The following ZNF254 variants were observed in gnomAD, a reference collection of about 807,000 sequenced individuals.
The protein encoded by ZNF254 is zinc finger protein 254.
A neutral mutation model predicts 12.4 loss-of-function variants in ZNF254; 10 were observed. The observed-to-expected ratio is 0.80, with a 90% confidence interval of 0.50 to 1.36. The LOEUF is 1.36. Among genes scored for constraint, ZNF254 ranks in the 40% most tolerant of loss-of-function variants. The pLI is 0.00. For synonymous variants in ZNF254, 305 were observed against 253.4 expected (o/e 1.20, Z -1.93); for missense variants, 996 against 763.9 (o/e 1.30, Z -3.58).
chr19:24,095,739 CT>C (rs1281874917), intron 1 of ZNF254, among the ~76,000 whole-genome samples: 2 of 151,842 alleles, frequency 1.3e-5, no homozygotes, highest in Non-Finnish European at 2.9e-5. Context: ...TTTGTTATTT[CT>C]AATTGTGTTT....
rs1759571371 is a variant in ZNF254 at position 24,127,858 on chromosome 19, CAT to C, written c.1860_1861del (p.His620GlnfsTer20). 1.2e-6 allele frequency: 2 copies of C among 1,613,356 alleles called. No homozygotes were observed. The highest frequency in any genetic ancestry group is 1.7e-6 in the Non-Finnish European group (2 of 1,179,716). ...AFFWSSTLTK[H>X]KRIHTGEQPY... ...TTTCTGGTCCTCAACCCTAACTAAACATAAGAGAATTCATACTGGAGAGCAAC... is the reference window on the plus strand; with the variant it reads ...TTTCTGGTCCTCAACCCTAACTAAACAAGAGAATTCATACTGGAGAGCAAC... On this transcript the variant is annotated frameshift_variant, in exon 4 of 4. Coordinates refer to ENST00000357002, the MANE Select transcript of ZNF254 (RefSeq NM_203282.4). LOFTEE classifies it low-confidence loss of function (END_TRUNC).
At chr19:24,042,871 G>A (rs1346001357) in intron 1 of ZNF254, among the ~76,000 whole-genome samples, 1 of 152,160 alleles carries the variant, frequency 6.6e-6, no homozygotes, top group Non-Finnish European at 1.5e-5. Flanking sequence ...TCTGGCTAAG[G>A]TGTTTTCTGC....
intron 3 of ZNF254, among the ~76,000 whole-genome samples, chr19:24,124,773 CT>C (rs1006240347): frequency 1.1e-3 from 150 of 140,706 alleles, no homozygotes; most frequent in Non-Finnish European, 8.5e-4. Flanking sequence ...TTTTCTTTTT[CT>C]TTTTTTTTTT....
chr19:24,126,559 C>G lies in ZNF254; in HGVS notation c.559C>G (p.Arg187Gly), dbSNP rs202000799. 1.9e-6 allele frequency: 3 copies of G among 1,603,554 alleles called. No individual in the cohort carries two copies. In the Admixed American group the frequency reaches 5.2e-5, roughly 28 times the overall value. The change falls in exon 4 of 4, where the codon CGT (arginine) becomes GGT (glycine). Residue 187 changes from arginine to glycine, a missense_variant. Transcript: ENST00000357002. ...TEKKSFKCKK[R>G]VKLFCMLSHK... is the part of the protein sequence containing the mutation. The stretch of plus-strand genomic sequence containing the variant: ...AAAGAAATCTTTCAAATGTAAAAAA[C>G]GTGTCAAATTATTTTGCATGCTTTC...
At chr19:24,094,202 T>A (rs947985539) in intron 1 of ZNF254, among the ~76,000 whole-genome samples, 2 of 152,328 alleles carry the variant, frequency 1.3e-5, no homozygotes, top group East Asian at 3.9e-4. Context: ...TGGAGAATTA[T>A]GTTGTCTGCA....
intron 1 of ZNF254, among the ~76,000 whole-genome samples, chr19:24,087,783 A>G (rs556290671): frequency 6.6e-6 from 1 of 152,124 alleles, no homozygotes; most frequent in Non-Finnish European, 1.5e-5. Flanking sequence ...AAATTGTACC[A>G]CACCCAGCTG....
rs997679136 is a variant in ZNF254, at chr19:24,129,166, A to G, written c.*1186A>G. On this transcript the variant is annotated 3_prime_UTR_variant, in exon 4 of 4. Transcript: ENST00000357002. ...AGTGATGCATGAGGTAGGTGTTCAG[A>G]ATAATATTCCTCTGCATTATTATGA... 6.6e-6 allele frequency: 1 copy of G among 152,052 alleles called. No homozygotes were observed. The highest frequency in any genetic ancestry group is 2.4e-5 in the African/African-American group (1 of 41,442). The allele number at this position is 152,052 out of a possible 1,614,324, so 9.4% of individuals were successfully genotyped here.
chr19:24,128,455 A>G lies in ZNF254; in HGVS notation c.*475A>G, dbSNP rs1452503442. The stretch of plus-strand genomic sequence containing the variant: ...GAGCATTTATTTTGAAAAAAACATT[A>G]CACATATGAAGAGGATTGTAATATC... On this transcript the variant is annotated 3_prime_UTR_variant, in exon 4 of 4. Coordinates refer to ENST00000357002, the MANE Select transcript of ZNF254 (RefSeq NM_203282.4). The G allele has an allele frequency of 6.5e-6, 1 of 152,864 alleles. No individual in the cohort carries two copies. The highest frequency in any genetic ancestry group is 1.5e-5 in the Non-Finnish European group (1 of 68,556). 9.5% of individuals were successfully genotyped at this position (152,864 alleles called of 1,614,324 possible).
At chr19:24,086,835 C>G (rs1308779872), upstream of ZNF254, among the ~76,000 whole-genome samples, 1 of 152,112 alleles carries the variant, frequency 6.6e-6, no homozygotes, top group Non-Finnish European at 1.5e-5. Context: ...TACATTATTA[C>G]TAAAGTAAAA....
chr19:24,113,292 G>C (rs909373274), intron 3 of ZNF254, among the ~76,000 whole-genome samples: 20 of 152,234 alleles, frequency 1.3e-4, no homozygotes, highest in Non-Finnish European at 2.6e-4. Flanking sequence ...ATAAAATACT[G>C]GCAAACTGAA....
chr19:24,098,956 G>C (rs1413216052), intron 1 of ZNF254: 1 of 146,798 alleles, frequency 6.8e-6, no homozygotes, highest in Non-Finnish European at 1.5e-5. Context: ...CAAGAGGCCT[G>C]CAGGCTCTTC....
chr19:24,078,529 A>G (rs951384045), intron 2 of ZNF254: 2 of 152,198 alleles, frequency 1.3e-5, no homozygotes, highest in Non-Finnish European at 2.9e-5. Context: ...AGGGCAACTT[A>G]AATCTGTCCT....
chr19:24,094,982 C>T (rs549853056), intron 1 of ZNF254, among the ~76,000 whole-genome samples: 1 of 152,168 alleles, frequency 6.6e-6, no homozygotes, highest in Non-Finnish European at 1.5e-5. Context: ...CCACTGCACC[C>T]GTCCACTTCC....
chr19:24,048,290 T>C (rs1291707670), intron 2 of ZNF254, among the ~76,000 whole-genome samples: 2 of 151,936 alleles, frequency 1.3e-5, no homozygotes, highest in Non-Finnish European at 2.9e-5. Flanking sequence ...TGGGCCACCT[T>C]GGGGGGAATA....
chr19:24,087,452 G>C (rs1192305925), intron 1 of ZNF254, 115 bp downstream of exon 1: 2 of 1,350,582 alleles, frequency 1.5e-6, no homozygotes, highest in Non-Finnish European at 2.1e-6. Flanking sequence ...TCTGCGCCCA[G>C]CTCGACCTCA....
chr19:24,106,743 A>T, intron 3 of ZNF254, 100 bp downstream of exon 3: 1 of 1,130,138 alleles, frequency 8.8e-7, no homozygotes, highest in Non-Finnish European at 1.2e-6. Flanking sequence ...ATCCAAAGGA[A>T]ATAGTTTCTG....
At chr19:24,068,877 A>G (rs1242801729) in intron 2 of ZNF254, among the ~76,000 whole-genome samples, 1 of 152,226 alleles carries the variant, frequency 6.6e-6, no homozygotes, top group Non-Finnish European at 1.5e-5. Context: ...TTAGGAAAAC[A>G]AACATAATCC....
intron 1 of ZNF254, among the ~76,000 whole-genome samples, chr19:24,090,949 T>C (rs1452976658): frequency 7.1e-6 from 1 of 140,946 alleles, no homozygotes; most frequent in Non-Finnish European, 1.5e-5. Context: ...AGTGATTTTT[T>C]TTTTTTTTTT....
chr19:24,082,158 G>T (rs1326466229), intron 2 of ZNF254, among the ~76,000 whole-genome samples: 1 of 151,108 alleles, frequency 6.6e-6, no homozygotes, highest in Non-Finnish European at 1.5e-5. Flanking sequence ...ATCGAGTCTC[G>T]CAAAATATAG....
Sources: gnomAD v4.1 joint callset for allele counts (sites outside exome capture counted in the v4.1 genomes callset) on GRCh38, gnomAD v4.1.1 for gene constraint, MANE v1.5 for transcripts, NCBI Gene and HGNC (gene_info 2026-07-23, HGNC 2026-07-21) for gene names.